NTNG1: variants seen among roughly 807,000 people sequenced by gnomAD.
NTNG1 encodes netrin-G1.
NTNG1 carries 16 observed loss-of-function variants against 54.0 expected under a neutral mutation model. The ratio of observed to expected loss-of-function variants is 0.30; its 90% CI spans 0.20 to 0.45. NTNG1 has a LOEUF of 0.45. Among genes scored for constraint, NTNG1 ranks in the 20% least tolerant of loss-of-function variants. NTNG1 has a pLI of 1.00. For missense variants in NTNG1, 530 were observed against 678.7 expected (o/e 0.78, Z 2.43); for synonymous variants, 255 against 263.1 (o/e 0.97, Z 0.30).
At chr1:107,413,229 C>G (rs906127333) in intron 5 of NTNG1, among the ~76,000 whole-genome samples, 1 of 150,932 alleles carries the variant, frequency 6.6e-6, no homozygotes, top group African/African-American at 2.4e-5. Context: ...GTGACGCAGT[C>G]TCAGCTTACT....
intron 3 of NTNG1, among the ~76,000 whole-genome samples, chr1:107,333,636 C>CGT (rs1553227902): frequency 3.3e-5 from 5 of 151,812 alleles, no homozygotes; most frequent in Non-Finnish European, 7.4e-5. Context: ...ATGAAAACAT[C>CGT]GTGTGTGTGT....
At chr1:107,458,610 C>T (rs928458102) in intron 7 of NTNG1, among the ~76,000 whole-genome samples, 8 of 152,120 alleles carry the variant, frequency 5.3e-5, no homozygotes. Context: ...AGTTAATTCA[C>T]AGATTAACAA....
intron 2 of NTNG1, among the ~76,000 whole-genome samples, chr1:107,297,124 CAT>C (rs36147726): frequency 3.9e-4 from 55 of 140,686 alleles, no homozygotes; most frequent in African/African-American, 7.4e-4. Flanking sequence ...CAAACACACA[CAT>C]ATATATATAT....
intron 5 of NTNG1, among the ~76,000 whole-genome samples, chr1:107,423,595 T>C (rs1674705815): frequency 6.6e-6 from 1 of 152,112 alleles, no homozygotes; most frequent in Admixed American, 6.5e-5. Context: ...ACATTGTGTA[T>C]ACATACAGCT....
intron 3 of NTNG1, among the ~76,000 whole-genome samples, chr1:107,351,851 G>T (rs1283400474): frequency 2.6e-5 from 4 of 152,160 alleles, no homozygotes; most frequent in Non-Finnish European, 5.9e-5. Context: ...TACCTCCAAG[G>T]TACAATTAGG....
Position 107,148,799 on chromosome 1 carries a change from A to G in NTNG1, c.206A>G (p.Asp69Gly), listed in dbSNP as rs149585176. Residue 69 changes from aspartate (D) to glycine (G), a missense_variant, in exon 2 of 8, where the codon GAT (aspartate) becomes GGT (glycine). Transcript: ENST00000370068. ...KYLKVKLDPP[D>G]ITCGDPPETF... ...CTGAAAGTGAAACTCGATCCTCCGGATATTACCTGTGGAGACCCTCCTGAG... is the reference window on the plus strand; with the variant it reads ...CTGAAAGTGAAACTCGATCCTCCGGGTATTACCTGTGGAGACCCTCCTGAG... 103 of 1,613,692 alleles carry G rather than the reference A, an allele frequency of 6.4e-5. No homozygotes were observed. The East Asian group carries it at 2.3e-3, about 35-fold the overall frequency.
rs77616038 is a variant in NTNG1 at position 107,427,290 on chromosome 1, A to G, written c.1088-3460A>G. Among the ~76,000 whole-genome samples the G allele has an allele frequency of 7.9e-3, 1,209 of 152,214 alleles. 8 individuals carry two copies. The highest frequency in any genetic ancestry group is 0.027 in the African/African-American group (1,142 of 41,552). ...TTGGAGGGTGGAAGGCCAAGGGAGT[A>G]TATAAAAGGAAGTGATTATAAGGAT... On this transcript the variant is annotated intron_variant, in intron 5 of 7. Coordinates refer to ENST00000370068, the MANE Select transcript of NTNG1 (RefSeq NM_001113226.3).
chr1:107,368,017 C>A (rs1670702005), intron 3 of NTNG1, among the ~76,000 whole-genome samples: 1 of 152,122 alleles, frequency 6.6e-6, no homozygotes, highest in Non-Finnish European at 1.5e-5. Flanking sequence ...CTCGGCCTCC[C>A]AAAGTGCTGG....
intron 2 of NTNG1, among the ~76,000 whole-genome samples, chr1:107,301,356 CA>C (rs945685960): frequency 1.3e-4 from 19 of 151,926 alleles, no homozygotes; most frequent in African/African-American, 4.6e-4. Context: ...GAAAGAAACA[CA>C]AACAGAGGAG....
intron 7 of NTNG1, among the ~76,000 whole-genome samples, chr1:107,464,708 A>G (rs1158496180): frequency 6.6e-6 from 1 of 152,196 alleles, no homozygotes; most frequent in Non-Finnish European, 1.5e-5. Context: ...CCTCAGGCCA[A>G]GTTCGAATGG....
rs141402558 is a variant in NTNG1 at position 107,164,280 on chromosome 1, C to T, written c.246+15441C>T. On this transcript the variant is annotated intron_variant, in intron 2 of 7. Transcript: ENST00000370068. ...GTCACAGCCTGGCCAACAGTGCCTGCTGGTCCCAAGCACCATGCAGGCCTC... is the reference window on the plus strand; with the variant it reads ...GTCACAGCCTGGCCAACAGTGCCTGTTGGTCCCAAGCACCATGCAGGCCTC... 2.0e-5 allele frequency among the ~76,000 whole-genome samples: 3 copies of T among 152,340 alleles called. No homozygotes were observed. In the East Asian group the frequency reaches 5.8e-4, roughly 29 times the overall value.
At chr1:107,215,452 C>T (rs1659887659) in intron 2 of NTNG1, among the ~76,000 whole-genome samples, 1 of 152,046 alleles carries the variant, frequency 6.6e-6, no homozygotes, top group African/African-American at 2.4e-5. Context: ...AAGTGTTTGT[C>T]TTTATTTTTG....
intron 2 of NTNG1, among the ~76,000 whole-genome samples, chr1:107,178,662 GGC>G (rs1656831505): frequency 6.6e-6 from 1 of 152,130 alleles, no homozygotes; most frequent in Admixed American, 6.6e-5. Flanking sequence ...TTGATAGGTT[GGC>G]ACAGAATTCT....
At chr1:107,415,088 T>C (rs1382772509) in intron 5 of NTNG1, among the ~76,000 whole-genome samples, 2 of 152,172 alleles carry the variant, frequency 1.3e-5, no homozygotes, top group Non-Finnish European at 2.9e-5. Context: ...ACATAGTCTT[T>C]GGAGCCTGAT....
intron 2 of NTNG1, among the ~76,000 whole-genome samples, chr1:107,276,489 C>T (rs1033173093): frequency 3.3e-5 from 5 of 151,940 alleles, no homozygotes; most frequent in African/African-American, 1.2e-4. Flanking sequence ...AATGCCTACT[C>T]GAATTTCAAG....
intron 2 of NTNG1, among the ~76,000 whole-genome samples, chr1:107,260,614 G>A (rs1442966425): frequency 5.3e-5 from 8 of 152,160 alleles, no homozygotes. Flanking sequence ...TACAAACCAT[G>A]TGTTTCAAGA....
chr1:107,226,599 G>T (rs1479583683), intron 2 of NTNG1, among the ~76,000 whole-genome samples: 2 of 152,094 alleles, frequency 1.3e-5, no homozygotes, highest in Admixed American at 6.6e-5. Flanking sequence ...ACCTACAGTG[G>T]TTTCCCCAGG....
chr1:107,337,909 C>A (rs954708477), intron 3 of NTNG1, among the ~76,000 whole-genome samples: 3 of 151,998 alleles, frequency 2.0e-5, no homozygotes, highest in Admixed American at 2.0e-4. Flanking sequence ...CAGAACTTAA[C>A]TAATCAAAGA....
At chr1:107,294,250 T>C (rs1364782862) in intron 2 of NTNG1, among the ~76,000 whole-genome samples, 1 of 152,174 alleles carries the variant, frequency 6.6e-6, no homozygotes, top group African/African-American at 2.4e-5. Flanking sequence ...AGGTGAGATA[T>C]AAGTGCTTGA....
Sources: allele counts gnomAD v4.1 joint callset (sites outside exome capture counted in the v4.1 genomes callset), GRCh38; gene constraint gnomAD v4.1.1; transcripts MANE v1.5; gene names NCBI Gene and HGNC (gene_info 2026-07-23, HGNC 2026-07-21).